RRP1: variants seen among roughly 807,000 people sequenced by gnomAD.
The protein encoded by RRP1 is ribosomal RNA processing 1.
RRP1 carries 37 observed loss-of-function variants against 54.6 expected under a neutral mutation model. The ratio of observed to expected loss-of-function variants is 0.68; its 90% CI spans 0.52 to 0.89. The LOEUF (loss-of-function observed/expected upper bound fraction) is 0.89, where lower values mean the gene tolerates loss of function less well. Ranked by LOEUF, RRP1 falls within the 40% of genes least tolerant of loss-of-function variation. RRP1 has a pLI of 0.00. For synonymous variants in RRP1, 262 were observed against 244.3 expected, an observed-to-expected ratio of 1.07 and a Z score of -0.67; for missense variants, 639 against 612.5, an observed-to-expected ratio of 1.04 and a Z score of -0.46.
At position 43,803,926 on chromosome 21, in the gene RRP1, A is replaced by G. The variant is rs2123424926; in HGVS notation, c.*152A>G. On this transcript the variant is annotated 3_prime_UTR_variant, in exon 13 of 13. Coordinates refer to ENST00000497547, the MANE Select transcript of RRP1 (RefSeq NM_003683.6). ...AGGGCGGCACTGGAGAGATGGGCCC[A>G]TCATTAGGGGCCAGCATCCCAGGAA... 2 of 913,770 alleles carry G rather than the reference A, an allele frequency of 2.2e-6. No homozygotes were observed. Among genetic ancestry groups the G allele is most frequent in the Non-Finnish European group, 3.2e-6 (2 of 627,568 alleles). The allele number at this position is 913,770 out of a possible 1,614,324, so 56.6% of individuals were successfully genotyped here.
At chr21:43,792,551 C>T (rs2084971255) in intron 2 of RRP1, 121 bp from the exon 3 acceptor site, 3 of 984,722 alleles carry the variant, frequency 3.0e-6, no homozygotes, top group East Asian at 4.8e-5. Flanking sequence ...CTGAGACCCC[C>T]TGGAAGCCGA....
In RRP1 at chr21:43,799,572, T is replaced by C; in HGVS notation, c.814T>C (p.Ser272Pro). 6.2e-7 allele frequency: 1 copy of C among 1,611,358 alleles called. No homozygotes were observed. Among genetic ancestry groups the C allele is most frequent in the East Asian group, 2.2e-5 (1 of 44,816 alleles). Reference protein sequence around the residue: ...QKRSEKPPAGSICRAEPEAGE... With the variant: ...QKRSEKPPAGPICRAEPEAGE... ...TCACGGGGTCCCTTTTGTTCCAGGCTCCATCTGCAGGGCTGAACCTGAGGC... is the reference window on the plus strand; with the variant it reads ...TCACGGGGTCCCTTTTGTTCCAGGCCCCATCTGCAGGGCTGAACCTGAGGC... The change falls in exon 9 of 13, where the codon TCC becomes CCC. Residue 272 changes from serine (S) to proline (P), a missense_variant and splice_region_variant. Transcript: ENST00000497547.
rs780697430 is a variant in RRP1, at chr21:43,797,470, C to A, written c.471C>A (p.Pro157=). The A allele has an allele frequency of 6.2e-7, 1 of 1,613,740 alleles. No individual in the cohort carries two copies. Residue 157 remains proline, a synonymous_variant, in exon 6 of 13, where the codon CCC becomes CCA. Transcript: ENST00000497547. ...LELLMTEILH[P]SSQAPNGVKS... The stretch of plus-strand genomic sequence containing the variant: ...TGCTGATGACTGAGATCCTGCACCC[C>A]AGCAGCCAGGCCCCCAACGGTGTGA...
Position 43,803,669 on chromosome 21 carries a change from G to A in RRP1, c.1281G>A (p.Gln427=). 6.4e-7 allele frequency: 1 copy of A among 1,552,040 alleles called. No individual in the cohort carries two copies. The highest frequency in any genetic ancestry group is 8.7e-7 in the Non-Finnish European group (1 of 1,148,140). ...GAGATCAGCCCAGGGGCCGTGGCCA[G>A]AGAGGGGCTCGCCAGAGAAGGAGGA... ...LLRDQPRGRG[Q]RGARQRRRTP... Residue 427 remains glutamine (Q), a synonymous_variant, in exon 13 of 13, where the codon CAG becomes CAA. Transcript: ENST00000497547.
At position 43,803,534 on chromosome 21, in the gene RRP1, G is replaced by C. The variant is rs763176941; in HGVS notation, c.1146G>C (p.Pro382=). The change falls in exon 13 of 13, where the codon CCG becomes CCC. Residue 382 remains proline (P), a synonymous_variant. Transcript: ENST00000497547. ...CAGGGAAAGGTGAGAAGGAGCCCCC[G>C]AGCCCGGGCATGGAGAGGAAGAGGA... ...QERGKGEKEP[P]SPGMERKRSR... 5.3e-5 allele frequency: 83 copies of C among 1,557,342 alleles called. No individual in the cohort carries two copies. Among genetic ancestry groups the C allele is most frequent in the Non-Finnish European group, 7.0e-5 (80 of 1,149,892 alleles).
At chr21:43,791,803 C>T (rs901175884) in intron 2 of RRP1, among the ~76,000 whole-genome samples, 5 of 152,322 alleles carry the variant, frequency 3.3e-5, no homozygotes, top group African/African-American at 1.2e-4. Flanking sequence ...CGCGCCCGGC[C>T]TGGTCAACCC....
At position 43,789,650 on chromosome 21, in the gene RRP1, C is replaced by T. The variant is rs1569011555; in HGVS notation, c.21C>T (p.Leu7=). Residue 7 remains leucine (L), a synonymous_variant, in exon 1 of 13, where the codon CTC becomes CTT. Transcript: ENST00000497547. MVSRVQ[L]PPEIQLAQRL... Reference sequence around the variant, plus strand: ...GCGTCATGGTTTCGCGCGTGCAGCTCCCGCCTGAGATCCAGCTGGCTCAGC... The same window carrying T: ...GCGTCATGGTTTCGCGCGTGCAGCTTCCGCCTGAGATCCAGCTGGCTCAGC... The T allele has an allele frequency of 6.3e-7, 1 of 1,583,388 alleles. No homozygotes were observed.
chr21:43,803,100 T>C (rs1284134533), intron 12 of RRP1, among the ~76,000 whole-genome samples: 1 of 152,254 alleles, frequency 6.6e-6, no homozygotes, highest in African/African-American at 2.4e-5. Flanking sequence ...CTCCGTGCCA[T>C]TGAAGCCGTC....
chr21:43,797,707 G>C lies in RRP1; in HGVS notation c.617+12G>C. Reference sequence around the variant, plus strand: ...GCCCGGACCAAGGAGTAAGTGGTGGGTGGCCTGATCGGGCCCGACTCCTTC... The same window carrying C: ...GCCCGGACCAAGGAGTAAGTGGTGGCTGGCCTGATCGGGCCCGACTCCTTC... On this transcript the variant is annotated intron_variant, in intron 7 of 12. Coordinates refer to ENST00000497547, the MANE Select transcript of RRP1 (RefSeq NM_003683.6). 1 of 1,613,296 alleles carries C rather than the reference G, an allele frequency of 6.2e-7. No homozygotes were observed. Among genetic ancestry groups the C allele is most frequent in the Non-Finnish European group, 8.5e-7 (1 of 1,179,954 alleles).
At position 43,792,537 on chromosome 21, in the gene RRP1, T is replaced by G. The variant is rs2084971110; in HGVS notation, c.217-135T>G. 3.0e-5 allele frequency: 25 copies of G among 846,468 alleles called. 1 individual carries two copies. In the South Asian group the frequency reaches 3.7e-4, roughly 12 times the overall value. The allele number at this position is 846,468 out of a possible 1,614,324, so 52.4% of individuals were successfully genotyped here. A position where few individuals can be genotyped will look rare whatever the true frequency, so the allele number is the denominator to read the frequency against. Reference sequence around the variant, plus strand: ...AGCAGGGGTGAAACCTCCAGTGCACTGAGCTGAGACCCCCTGGAAGCCGAC... The same window carrying G: ...AGCAGGGGTGAAACCTCCAGTGCACGGAGCTGAGACCCCCTGGAAGCCGAC... On this transcript the variant is annotated intron_variant, in intron 2 of 12. Coordinates refer to ENST00000497547, the MANE Select transcript of RRP1 (RefSeq NM_003683.6).
Position 43,797,673 on chromosome 21 carries a change from A to G in RRP1, c.595A>G (p.Arg199Gly), listed in dbSNP as rs751552058. 18 of 1,614,040 alleles carry G rather than the reference A, an allele frequency of 1.1e-5. No individual in the cohort carries two copies. Among genetic ancestry groups the G allele is most frequent in the Non-Finnish European group, 1.4e-5 (17 of 1,180,024 alleles). Residue 199 changes from arginine (R) to glycine (G), a missense_variant, in exon 7 of 13, where the codon AGA becomes GGA. Physicochemically the swap from Arg to Gly is moderately radical, Grantham distance 125. Coordinates refer to ENST00000497547, the MANE Select transcript of RRP1 (RefSeq NM_003683.6). Reference protein sequence around the residue: ...QNLKFIDPFCRIAARTKDSLV... With the variant: ...QNLKFIDPFCGIAARTKDSLV... ...CCTGAAGTTCATCGACCCCTTCTGC[A>G]GAATTGCTGCCCGGACCAAGGAGTA...
At chr21:43,791,713 A>G (rs1569012553) in intron 2 of RRP1, among the ~76,000 whole-genome samples, 1 of 152,152 alleles carries the variant, frequency 6.6e-6, no homozygotes, top group Admixed American at 6.5e-5. Flanking sequence ...CATGTTGGTC[A>G]GGCTGGTCTC....
chr21:43,802,534 A>G (rs1199799164), intron 12 of RRP1, 147 bp downstream of exon 12: 2 of 663,852 alleles, frequency 3.0e-6, no homozygotes, highest in Non-Finnish European at 5.5e-6. Context: ...CATCCCGGAA[A>G]TGCCCTGTCC....
intron 2 of RRP1, among the ~76,000 whole-genome samples, chr21:43,792,278 A>G (rs1601866210): frequency 6.6e-6 from 1 of 152,176 alleles, no homozygotes; most frequent in African/African-American, 2.4e-5. Flanking sequence ...CCAGTGATCT[A>G]TGGGGTCTCG....
Position 43,791,372 on chromosome 21 carries a change from G to A in RRP1, c.156G>A (p.Leu52=). 1.2e-6 allele frequency: 2 copies of A among 1,614,102 alleles called. No individual in the cohort carries two copies. The change falls in exon 2 of 13, where the codon CTG becomes CTA. Residue 52 remains leucine (L), a synonymous_variant. Transcript: ENST00000497547. The stretch of plus-strand genomic sequence containing the variant: ...CAGGTGGTTTTACGCACGACGAGCT[G>A]CTGAAGGTGTGGAAAGGACTGTTTT... ...RAAGGFTHDE[L]LKVWKGLFYC...
chr21:43,799,558 C>T lies in RRP1; in HGVS notation c.812-12C>T. ...GGCACAGGTAGGGTTCACGGGGTCC[C>T]TTTTGTTCCAGGCTCCATCTGCAGG... On this transcript the variant is annotated splice_polypyrimidine_tract_variant and intron_variant, in intron 8 of 12. Coordinates refer to ENST00000497547, the MANE Select transcript of RRP1 (RefSeq NM_003683.6). 1 of 1,609,296 alleles carries T rather than the reference C, an allele frequency of 6.2e-7. No homozygotes were observed.
In RRP1 at chr21:43,805,239, G is replaced by A; in HGVS notation, c.*1465G>A. On this transcript the variant is annotated 3_prime_UTR_variant, in exon 13 of 13. Transcript: ENST00000497547. The stretch of plus-strand genomic sequence containing the variant: ...TGTGGTGAGCTAAGATCACGCCATT[G>A]CACTCCAGCCTGGGCAACGAGAGGG... 1 of 148,882 alleles carries A rather than the reference G, an allele frequency of 6.7e-6. No homozygotes were observed. Among genetic ancestry groups the A allele is most frequent in the Non-Finnish European group, 1.5e-5 (1 of 67,704 alleles). The allele number at this position is 148,882 out of a possible 1,614,324, so 9.2% of individuals were successfully genotyped here.
chr21:43,797,575 G>A (rs2070537), intron 6 of RRP1, 24 bp downstream of exon 6: 340,651 of 1,613,714 alleles, frequency 0.21, 39,062 homozygotes, highest in East Asian at 0.47. Context: ...CCGACGGGGC[G>A]GTGGAGCTGG....
intron 3 of RRP1, 41 bp from the exon 4 acceptor site, chr21:43,793,278 G>T (rs375551008): frequency 6.3e-7 from 1 of 1,589,530 alleles, no homozygotes; most frequent in South Asian, 1.1e-5. Flanking sequence ...GAGTGGCTTC[G>T]TGCTCCTCAG....
Sources: allele counts gnomAD v4.1 joint callset (sites outside exome capture counted in the v4.1 genomes callset), GRCh38; gene constraint gnomAD v4.1.1; transcripts MANE v1.5; gene names NCBI Gene and HGNC (gene_info 2026-07-23, HGNC 2026-07-21).